HEATR6: variants seen among roughly 807,000 people sequenced by gnomAD.
HEATR6 encodes the protein HEAT repeat-containing protein 6.
In HEATR6, 106 loss-of-function variants were observed where a neutral mutation model predicts 132.8. That is an observed-to-expected ratio of 0.80 (90% CI 0.68 to 0.94). HEATR6 has a LOEUF of 0.94. HEATR6 is among the 40% of genes least tolerant of loss of function. The pLI, the probability that HEATR6 is intolerant of heterozygous loss-of-function variation, is 0.00. For synonymous variants in HEATR6, 529 were observed against 537.8 expected (o/e 0.98, Z 0.23); for missense variants, 1,339 against 1,425.1 (o/e 0.94, Z 0.97).
At chr17:60,061,459 C>A (rs1568627013) in intron 9 of HEATR6, among the ~76,000 whole-genome samples, 1 of 152,196 alleles carries the variant, frequency 6.6e-6, no homozygotes, top group Non-Finnish European at 1.5e-5. Flanking sequence ...AGCATGAACA[C>A]AAGTCAGCTG....
At position 60,048,293 on chromosome 17, in the gene HEATR6, G is replaced by T; in HGVS notation, c.2643C>A (p.Gly881=). The T allele has an allele frequency of 6.2e-7, 1 of 1,613,664 alleles. No homozygotes were observed. The highest frequency in any genetic ancestry group is 8.5e-7 in the Non-Finnish European group (1 of 1,179,716). The change falls in exon 17 of 20, where the codon GGC becomes GGA. Residue 881 remains glycine (G), a synonymous_variant. Coordinates refer to ENST00000184956, the MANE Select transcript of HEATR6 (RefSeq NM_022070.5). ...TGACAATCAGAGTGTCTGTCAGGTT[G>T]CCCAGGGACCAGGCTGCTTTGGCTC... is the stretch of plus-strand genomic sequence containing the variant. The part of the protein sequence containing the change: ...NVRAKAAWSL[G]NLTDTLIVNM...
chr17:60,057,056 C>T lies in HEATR6; in HGVS notation c.2071G>A (p.Ala691Thr), dbSNP rs149333763. Residue 691 changes from alanine (A) to threonine (T), a missense_variant, in exon 12 of 20, where the codon GCC becomes ACC. Ala to Thr is a moderately conservative substitution (Grantham distance 58). Coordinates refer to ENST00000184956, the MANE Select transcript of HEATR6 (RefSeq NM_022070.5). ...TYEPSPMRLE[A>T]LQVLTLLARG... ...GAAATGAAATCTCCTACCTGTAAGG[C>T]CTCCAGTCGCATGGGGGATGGTTCG... The T allele has an allele frequency of 1.3e-6, 2 of 1,588,940 alleles. No individual in the cohort carries two copies. Among genetic ancestry groups the T allele is most frequent in the Non-Finnish European group, 1.7e-6 (2 of 1,165,570 alleles).
intron 8 of HEATR6, among the ~76,000 whole-genome samples, chr17:60,066,678 A>C (rs542317879): frequency 6.6e-6 from 1 of 152,348 alleles, no homozygotes; most frequent in East Asian, 1.9e-4. Context: ...GGTGTTAGAC[A>C]TGAAACACTG....
chr17:60,078,858 C>T lies in HEATR6; in HGVS notation c.57G>A (p.Pro19=). ...SWPSVQPREA[P]REAIPERGNG... is the part of the protein sequence containing the mutation. ...TGCCTCGCTCAGGGATTGCTTCCCGCGGTGCCTCCCGCGGCTGCACGGAAG... is the reference window on the plus strand; with the variant it reads ...TGCCTCGCTCAGGGATTGCTTCCCGTGGTGCCTCCCGCGGCTGCACGGAAG... Residue 19 remains proline (P), a synonymous_variant, in exon 1 of 20, where the codon CCG becomes CCA. Coordinates refer to ENST00000184956, the MANE Select transcript of HEATR6 (RefSeq NM_022070.5). 9 of 1,573,742 alleles carry T rather than the reference C, an allele frequency of 5.7e-6. No homozygotes were observed. The highest frequency in any genetic ancestry group is 7.8e-6 in the Non-Finnish European group (9 of 1,158,112).
intron 5 of HEATR6, 124 bp from the exon 6 acceptor site, chr17:60,070,931 A>G (rs1439305461): frequency 1.6e-6 from 1 of 619,578 alleles, no homozygotes; most frequent in Non-Finnish European, 2.9e-6. Context: ...AAACTTTATT[A>G]TAGACACACA....
At chr17:60,060,339 G>A (rs2083203648) in intron 9 of HEATR6, among the ~76,000 whole-genome samples, 1 of 151,948 alleles carries the variant, frequency 6.6e-6, no homozygotes, top group African/African-American at 2.4e-5. Context: ...CAGTGCAGTG[G>A]CGCAATCATA....
At chr17:60,060,149 CCCTTCTT>C in intron 9 of HEATR6, 53 bp from the exon 10 acceptor site, 1 of 1,177,250 alleles carries the variant, frequency 8.5e-7, no homozygotes, top group East Asian at 2.3e-5. Flanking sequence ...GAGTCAGATT[CCCTTCTT>C]CCTATACATA....
rs534315156 is a variant in HEATR6, at chr17:60,073,551, C to T, written c.468+195G>A. On this transcript the variant is annotated intron_variant, in intron 3 of 19. Transcript: ENST00000184956. ...ATTAAGAATAATGTTTACTATTTAC[C>T]GAGGGCCATGAACTTGACACGTATT... Among the ~76,000 whole-genome samples the T allele has an allele frequency of 1.3e-4, 20 of 152,108 alleles. No homozygotes were observed. In the South Asian group the frequency reaches 3.7e-3, roughly 28 times the overall value.
In HEATR6 at chr17:60,044,114, G is replaced by C. The variant is rs1906283221; in HGVS notation, c.2995C>G (p.Gln999Glu). 1 of 1,611,480 alleles carries C rather than the reference G, an allele frequency of 6.2e-7. No homozygotes were observed. ...ACCGATGTCAGGGCATTGTAGGCCT[G>C]GGAGGTCCATGGGGCTGTCCCTAGA... ...LPLGTAPWTS[Q>E]AYNALTSVVT... The change falls in exon 20 of 20, where the codon CAG becomes GAG. Residue 999 changes from glutamine (Q) to glutamate (E), a missense_variant. By Grantham distance (29) the Gln-to-Glu change is conservative. Coordinates refer to ENST00000184956, the MANE Select transcript of HEATR6 (RefSeq NM_022070.5).
chr17:60,068,921 C>T lies in HEATR6; in HGVS notation c.939+790G>A, dbSNP rs185823636. Among the ~76,000 whole-genome samples the T allele has an allele frequency of 1.5e-4, 23 of 152,308 alleles. No individual in the cohort carries two copies. The East Asian group carries it at 3.5e-3, about 23-fold the overall frequency. On this transcript the variant is annotated intron_variant, in intron 7 of 19. Coordinates refer to ENST00000184956, the MANE Select transcript of HEATR6 (RefSeq NM_022070.5). ...TTATTTATCCATCTTTGCCTTCTCC[C>T]TCAAACTCCTAAAAGCAGCCAGAGT... is the stretch of plus-strand genomic sequence containing the variant.
rs1469907426 is a variant in HEATR6 at position 60,057,227 on chromosome 17, G to T, written c.1900C>A (p.Pro634Thr). 3.7e-6 allele frequency: 6 copies of T among 1,614,096 alleles called. No individual in the cohort carries two copies. The highest frequency in any genetic ancestry group is 5.1e-6 in the Non-Finnish European group (6 of 1,180,040). Residue 634 changes from proline to threonine, a missense_variant, in exon 12 of 20, where the codon CCC (proline) becomes ACC (threonine). Pro to Thr is a conservative substitution (Grantham distance 38). Coordinates refer to ENST00000184956, the MANE Select transcript of HEATR6 (RefSeq NM_022070.5). ...PDWWKKAPAGPSLEETSVSSP... is the reference protein window; with the variant it reads ...PDWWKKAPAGTSLEETSVSSP... ...CTAACTGACGTTTCTTCCAGAGAGG[G>T]TCCTGCAGGGGCTTTCTTCCACCAA...
At chr17:60,045,382 G>A (rs190128873) in intron 19 of HEATR6, among the ~76,000 whole-genome samples, 144 of 152,300 alleles carry the variant, frequency 9.5e-4, no homozygotes, top group Middle Eastern at 3.4e-3. Flanking sequence ...TAAAGCGAAC[G>A]CTGGCATTCA....
rs1400539189 is a variant in HEATR6, at chr17:60,047,353, T to G, written c.2725A>C (p.Lys909Gln). Residue 909 changes from lysine to glutamine, a missense_variant, in exon 18 of 20, where the codon AAA becomes CAA. Coordinates refer to ENST00000184956, the MANE Select transcript of HEATR6 (RefSeq NM_022070.5). ...GCTTCTATAGCTGATCGTAACATTT[T>G]CAAGAGCAGGAGACCAGAGAACTCT... ...QEEFSGLLLLKMLRSAIEASK... is the reference protein window; with the variant it reads ...QEEFSGLLLLQMLRSAIEASK... 5 of 1,613,430 alleles carry G rather than the reference T, an allele frequency of 3.1e-6. No individual in the cohort carries two copies. Among genetic ancestry groups the G allele is most frequent in the African/African-American group, 2.7e-5 (2 of 74,886 alleles).
chr17:60,073,717 C>T (rs767483618), intron 3 of HEATR6, 29 bp downstream of exon 3: 1 of 1,607,200 alleles, frequency 6.2e-7, no homozygotes, highest in South Asian at 1.1e-5. Flanking sequence ...CCTGGCCTTT[C>T]AAAGGAAGGA....
intron 14 of HEATR6, among the ~76,000 whole-genome samples, chr17:60,051,850 A>C (rs1830538109): frequency 1.3e-5 from 2 of 152,182 alleles, no homozygotes; most frequent in African/African-American, 4.8e-5. Flanking sequence ...CTCCAGAAGA[A>C]TGTGGACAAA....
chr17:60,045,879 A>G, intron 19 of HEATR6, 146 bp downstream of exon 19: 1 of 602,260 alleles, frequency 1.7e-6, no homozygotes, highest in Non-Finnish European at 3.0e-6. Context: ...ATGTATTTCA[A>G]TGTCCCCCTA....
chr17:60,057,238 G>T lies in HEATR6; in HGVS notation c.1889C>A (p.Ala630Asp). 1 of 1,614,200 alleles carries T rather than the reference G, an allele frequency of 6.2e-7. No homozygotes were observed. Among genetic ancestry groups the T allele is most frequent in the Non-Finnish European group, 8.5e-7 (1 of 1,180,022 alleles). ...TTCTTCCAGAGAGGGTCCTGCAGGGGCTTTCTTCCACCAATCAGGAGGGCT... is the reference window on the plus strand; with the variant it reads ...TTCTTCCAGAGAGGGTCCTGCAGGGTCTTTCTTCCACCAATCAGGAGGGCT... ...HLSPPDWWKKAPAGPSLEETS... is the reference protein window; with the variant it reads ...HLSPPDWWKKDPAGPSLEETS... The change falls in exon 12 of 20, where the codon GCC becomes GAC. Residue 630 changes from alanine (A) to aspartate (D), a missense_variant. Physicochemically the swap from Ala to Asp is moderately radical, Grantham distance 126. Transcript: ENST00000184956.
At chr17:60,048,439 C>G in intron 16 of HEATR6, 51 bp from the exon 17 acceptor site, 1 of 1,506,932 alleles carries the variant, frequency 6.6e-7, no homozygotes, top group Non-Finnish European at 9.0e-7. Context: ...CATGCTGCTA[C>G]CTTTGAAATT....
chr17:60,048,613 G>A (rs184292147), intron 16 of HEATR6, among the ~76,000 whole-genome samples: 4 of 152,218 alleles, frequency 2.6e-5, no homozygotes, highest in Non-Finnish European at 4.4e-5. Flanking sequence ...ATGGACACCC[G>A]AGGAGCCTAT....
Sources: gnomAD v4.1 joint callset for allele counts (sites outside exome capture counted in the v4.1 genomes callset) on GRCh38, gnomAD v4.1.1 for gene constraint, MANE v1.5 for transcripts, NCBI Gene and HGNC (gene_info 2026-07-23, HGNC 2026-07-21) for gene names.